Variants in DOCK1 observed in about 807,000 individuals in gnomAD.
The protein encoded by DOCK1 is dedicator of cytokinesis 1.
Under a neutral mutation model 262.7 loss-of-function variants are expected in DOCK1, and 138 were observed. That is an observed-to-expected ratio of 0.53 (90% confidence interval 0.46 to 0.61). The LOEUF (loss-of-function observed/expected upper bound fraction) is 0.61, where lower values mean the gene tolerates loss of function less well. DOCK1 is among the 20% of genes least tolerant of loss of function. The pLI is 0.00. For missense variants in DOCK1, 1,908 were observed against 2,370.7 expected (o/e 0.80, Z 4.05); for synonymous variants, 866 against 867.4 (o/e 1.00, Z 0.03).
chr10:127,222,793 G>A (rs1179169428), intron 27 of DOCK1, among the ~76,000 whole-genome samples: 1 of 94,876 alleles, frequency 1.1e-5, no homozygotes, highest in African/African-American at 3.2e-5. Context: ...AGCCTCCCAA[G>A]TAGCTGGGAC....
At chr10:127,130,138 C>T (rs1203404070) in intron 27 of DOCK1, among the ~76,000 whole-genome samples, 7 of 142,736 alleles carry the variant, frequency 4.9e-5, no homozygotes, top group Non-Finnish European at 1.0e-4. Flanking sequence ...GGCTGGAGTG[C>T]AGTGGTGCAA....
At chr10:127,245,894 G>T (rs776555226) in intron 27 of DOCK1, among the ~76,000 whole-genome samples, 1 of 152,194 alleles carries the variant, frequency 6.6e-6, no homozygotes, top group African/African-American at 2.4e-5. Context: ...AGTCTCCATT[G>T]TGTAACTGGT....
At chr10:127,004,763 T>G (rs1052153733) in intron 10 of DOCK1, among the ~76,000 whole-genome samples, 29 of 8,528 alleles carry the variant, frequency 3.4e-3, no homozygotes, top group South Asian at 5.9e-3. Flanking sequence ...AACGGCCCCC[T>G]GCCCCGCCAC....
intron 13 of DOCK1, chr10:127,019,043 TG>T (rs1171355465): frequency 2.8e-6 from 2 of 703,564 alleles, no homozygotes; most frequent in African/African-American, 3.6e-5. Context: ...TACCCCTGGA[TG>T]GATCAGCTCT....
chr10:127,361,318 G>T (rs760116694), intron 32 of DOCK1, among the ~76,000 whole-genome samples: 31 of 152,082 alleles, frequency 2.0e-4, no homozygotes, highest in African/African-American at 3.6e-4. Context: ...GTCTCACCGT[G>T]TTAGCCAGGA....
chr10:127,027,280 C>G (rs2042932703), intron 16 of DOCK1, among the ~76,000 whole-genome samples: 1 of 152,250 alleles, frequency 6.6e-6, no homozygotes, highest in Non-Finnish European at 1.5e-5. Context: ...TGAGCCTCTT[C>G]TGTATCTTCA....
chr10:127,069,397 A>G (rs1303815402), intron 23 of DOCK1, among the ~76,000 whole-genome samples: 4 of 152,302 alleles, frequency 2.6e-5, no homozygotes, highest in African/African-American at 7.2e-5. Context: ...GCCTGGAGCA[A>G]ACCAACCAAT....
chr10:127,100,312 G>A lies in DOCK1; in HGVS notation c.2446-5919G>A, dbSNP rs893909581. 2.0e-5 allele frequency among the ~76,000 whole-genome samples: 3 copies of A among 152,138 alleles called. No individual in the cohort carries two copies. Among genetic ancestry groups the A allele is most frequent in the African/African-American group, 7.2e-5 (3 of 41,430 alleles). On this transcript the variant is annotated intron_variant, in intron 23 of 51. Coordinates refer to ENST00000623213, the MANE Select transcript of DOCK1 (RefSeq NM_001290223.2). The surrounding 1 kb of genome is among the most constrained non-coding windows in gnomAD (Gnocchi z 5.5). ...CCGGGGGGAGTTAACAGCCTGAACC[G>A]AGGGCTCTGTCGCTGCCTAGAAGGG...
At chr10:127,196,231 C>A (rs1278293637) in intron 27 of DOCK1, 4 of 149,010 alleles carry the variant, frequency 2.7e-5, no homozygotes, top group Admixed American at 2.0e-4. Context: ...CCGGCCCCCG[C>A]GCCGCAGCTC....
intron 38 of DOCK1, among the ~76,000 whole-genome samples, chr10:127,390,480 A>C (rs2134187076): frequency 6.6e-6 from 1 of 152,364 alleles, no homozygotes; most frequent in South Asian, 2.1e-4. Flanking sequence ...TAATTAAGGT[A>C]AAATGAGGTC....
chr10:127,150,608 AAG>A (rs1190052450), intron 27 of DOCK1, among the ~76,000 whole-genome samples: 1 of 152,188 alleles, frequency 6.6e-6, no homozygotes, highest in African/African-American at 2.4e-5. Context: ...CATGCTTACC[AAG>A]AGGATGCTAG....
At chr10:127,347,587 T>C (rs1370494058) in intron 31 of DOCK1, among the ~76,000 whole-genome samples, 1 of 151,098 alleles carries the variant, frequency 6.6e-6, no homozygotes, top group African/African-American at 2.4e-5. Flanking sequence ...TGGGGCGGGG[T>C]GTGGGGGCTC....
intron 27 of DOCK1, among the ~76,000 whole-genome samples, chr10:127,191,683 C>CA (rs1420178114): frequency 6.6e-6 from 1 of 152,190 alleles, no homozygotes; most frequent in Non-Finnish European, 1.5e-5. Flanking sequence ...CCTAGAAACA[C>CA]AAAGACTGCT....
At chr10:127,195,226 G>T (rs1383150175) in intron 27 of DOCK1, among the ~76,000 whole-genome samples, 1 of 152,186 alleles carries the variant, frequency 6.6e-6, no homozygotes, top group Non-Finnish European at 1.5e-5. Context: ...TTGACTTTGG[G>T]CTCCAGGAGC....
chr10:127,422,681 C>T (rs887272324), intron 46 of DOCK1, among the ~76,000 whole-genome samples: 4 of 152,062 alleles, frequency 2.6e-5, no homozygotes, highest in African/African-American at 7.2e-5. Context: ...GATTGTAAGC[C>T]TCATGTAGAC....
intron 10 of DOCK1, chr10:127,000,516 T>C: frequency 1.5e-6 from 1 of 660,380 alleles, no homozygotes; most frequent in Non-Finnish European, 2.4e-6. Flanking sequence ...GTTTCAGATA[T>C]AAATCATATA....
chr10:127,141,743 G>A (rs993749920), intron 27 of DOCK1, among the ~76,000 whole-genome samples: 1 of 151,854 alleles, frequency 6.6e-6, no homozygotes, highest in Non-Finnish European at 1.5e-5. Flanking sequence ...CTTTGTTTTG[G>A]CCAAAAATTA....
chr10:127,143,881 G>A (rs549183909), intron 27 of DOCK1, among the ~76,000 whole-genome samples: 1 of 152,194 alleles, frequency 6.6e-6, no homozygotes, highest in South Asian at 2.1e-4. Flanking sequence ...CATATCTGAG[G>A]GGCACTGGAA....
At chr10:127,338,226 G>A (rs1202836148) in intron 29 of DOCK1, among the ~76,000 whole-genome samples, 1 of 152,168 alleles carries the variant, frequency 6.6e-6, no homozygotes, top group Non-Finnish European at 1.5e-5. Context: ...AAAAAGTAGT[G>A]GACGAAGCTT....
Sources: gnomAD v4.1 joint callset for allele counts (sites outside exome capture counted in the v4.1 genomes callset) on GRCh38, gnomAD v4.1.1 for gene constraint, Gnocchi (gnomAD v3.1) non-coding constraint, MANE v1.5 for transcripts, NCBI Gene and HGNC (gene_info 2026-07-23, HGNC 2026-07-21) for gene names.